CMC2: variants seen among roughly 807,000 people sequenced by gnomAD.
CMC2 encodes the protein COX assembly mitochondrial protein 2 homolog.
Under a neutral mutation model 7.5 loss-of-function variants are expected in CMC2, and 5 were observed. The ratio of observed to expected loss-of-function variants is 0.66; its 90% CI spans 0.35 to 1.40. The LOEUF (loss-of-function observed/expected upper bound fraction) is 1.40, where lower values mean the gene tolerates loss of function less well. CMC2 is among the 40% of genes most tolerant of loss of function. CMC2 has a pLI of 0.04. For missense variants in CMC2, 115 were observed against 92.3 expected (o/e 1.25, Z -1.01); for synonymous variants, 37 against 31.4 (o/e 1.18, Z -0.60).
chr16:80,996,947 C>T, intron 2 of CMC2: 1 of 428,168 alleles, frequency 2.3e-6, no homozygotes, highest in Non-Finnish European at 4.6e-6. Context: ...TGGTAGCCAT[C>T]AAAGAGCAGA....
At chr16:80,985,444 GA>G (rs964927594) in intron 2 of CMC2, among the ~76,000 whole-genome samples, 4 of 151,976 alleles carry the variant, frequency 2.6e-5, no homozygotes, top group African/African-American at 9.7e-5. Flanking sequence ...TTTCTGGTTT[GA>G]AAAATAAGAT....
intron 3 of CMC2, among the ~76,000 whole-genome samples, chr16:80,981,114 A>T (rs1361385419): frequency 6.6e-6 from 1 of 151,860 alleles, no homozygotes; most frequent in Non-Finnish European, 1.5e-5. Context: ...AACAAAAATG[A>T]TATCTGAAAG....
At chr16:80,988,617 A>C in intron 2 of CMC2, 1 of 701,728 alleles carries the variant, frequency 1.4e-6, no homozygotes, top group East Asian at 2.7e-5. Flanking sequence ...CAAGGACTTA[A>C]ATTTAAGTCT....
chr16:80,978,721 A>T (rs1474614641), intron 3 of CMC2, among the ~76,000 whole-genome samples: 3 of 152,076 alleles, frequency 2.0e-5, no homozygotes, highest in African/African-American at 7.2e-5. Flanking sequence ...AAAGAAAAAA[A>T]AAAAGAATAA....
Position 80,969,878 on chromosome 16 carries a change from G to C in CMC2, c.*6215C>G, listed in dbSNP as rs538260424. The C allele has an allele frequency of 6.6e-6, 1 of 152,252 alleles. No individual in the cohort carries two copies. Among genetic ancestry groups the C allele is most frequent in the African/African-American group, 2.4e-5 (1 of 41,552 alleles). The allele number at this position is 152,252 out of a possible 1,614,324, so 9.4% of individuals were successfully genotyped here. A position where few individuals can be genotyped will look rare whatever the true frequency, so the allele number is the denominator to read the frequency against. ...CACCCCAGCCTGGGTGACACAGCAA[G>C]ACTCCGTCTCAATTAGAAAAGAAAA... On this transcript the variant is annotated 3_prime_UTR_variant, in exon 4 of 4. Coordinates refer to ENST00000219400, the MANE Select transcript of CMC2 (RefSeq NM_020188.5).
At chr16:80,992,042 T>A (rs973609823) in intron 2 of CMC2, 1 of 425,080 alleles carries the variant, frequency 2.4e-6, no homozygotes, top group African/African-American at 2.0e-5. Context: ...CATGTATCAA[T>A]ATTGGTTTAT....
At chr16:81,002,624 T>G (rs1436481576) in intron 1 of CMC2, among the ~76,000 whole-genome samples, 1 of 152,184 alleles carries the variant, frequency 6.6e-6, no homozygotes, top group Non-Finnish European at 1.5e-5. Flanking sequence ...GACACTTGAC[T>G]GAGACAATAT....
Position 80,968,453 on chromosome 16 carries a change from G to C in CMC2, c.*7640C>G. ...ACCACAGTCTAATGGCCCAAATGCAGATGAAGATGAAGGTCTCTGAACAGA... is the reference window on the plus strand; with the variant it reads ...ACCACAGTCTAATGGCCCAAATGCACATGAAGATGAAGGTCTCTGAACAGA... On this transcript the variant is annotated 3_prime_UTR_variant, in exon 4 of 4. Coordinates refer to ENST00000219400, the MANE Select transcript of CMC2 (RefSeq NM_020188.5). 1 of 152,156 alleles carries C rather than the reference G, an allele frequency of 6.6e-6. No individual in the cohort carries two copies. Among genetic ancestry groups the C allele is most frequent in the East Asian group, 1.9e-4 (1 of 5,184 alleles). The allele number at this position is 152,156 out of a possible 1,614,324, so 9.4% of individuals were successfully genotyped here.
chr16:80,971,204 G>A lies in CMC2; in HGVS notation c.*4889C>T, dbSNP rs547389291. 6.6e-6 allele frequency: 1 copy of A among 152,204 alleles called. No homozygotes were observed. Among genetic ancestry groups the A allele is most frequent in the East Asian group, 1.9e-4 (1 of 5,178 alleles). 9.4% of individuals were successfully genotyped at this position (152,204 alleles called of 1,614,324 possible). A position where few individuals can be genotyped will look rare whatever the true frequency, so the allele number is the denominator to read the frequency against. On this transcript the variant is annotated 3_prime_UTR_variant, in exon 4 of 4. Transcript: ENST00000219400. Reference sequence around the variant, plus strand: ...TTGGGGTGTAATTTAGCAACTTCTAGTAAGTTTGAAAATGCATACCTTACA... The same window carrying A: ...TTGGGGTGTAATTTAGCAACTTCTAATAAGTTTGAAAATGCATACCTTACA...
chr16:80,991,863 C>T (rs1968019866), intron 2 of CMC2: 7 of 448,604 alleles, frequency 1.6e-5, no homozygotes, highest in South Asian at 7.9e-5. Context: ...ATGCCTCAAA[C>T]CTTTTCGGGT....
intron 3 of CMC2, among the ~76,000 whole-genome samples, chr16:80,979,490 A>G (rs16954381): frequency 0.016 from 2,512 of 152,314 alleles, 73 homozygotes; most frequent in African/African-American, 0.057. Flanking sequence ...CAGGAAAAAA[A>G]TTTAAAAACA....
chr16:80,975,308 T>C lies in CMC2; in HGVS notation c.*785A>G, dbSNP rs1375412220. On this transcript the variant is annotated 3_prime_UTR_variant, in exon 4 of 4. Coordinates refer to ENST00000219400, the MANE Select transcript of CMC2 (RefSeq NM_020188.5). ...TAACCAGATGAAATTTTATCAATGT[T>C]AAGTGTAAATATTTAATCTTTTAGT... 6.6e-6 allele frequency: 1 copy of C among 152,246 alleles called. No individual in the cohort carries two copies. Among genetic ancestry groups the C allele is most frequent in the African/African-American group, 2.4e-5 (1 of 41,462 alleles). 9.4% of individuals were successfully genotyped at this position (152,246 alleles called of 1,614,324 possible).
At position 80,970,103 on chromosome 16, in the gene CMC2, C is replaced by A. The variant is rs778297078; in HGVS notation, c.*5990G>T. 1.3e-5 allele frequency: 2 copies of A among 152,068 alleles called. No homozygotes were observed. The highest frequency in any genetic ancestry group is 2.9e-5 in the Non-Finnish European group (2 of 68,008). 9.4% of individuals were successfully genotyped at this position (152,068 alleles called of 1,614,324 possible). A position where few individuals can be genotyped will look rare whatever the true frequency, so the allele number is the denominator to read the frequency against. ...ACAGGTATTTAAATAACTTACCTGACCATTGGGAGGGATGAAGAAACTTCA... is the reference window on the plus strand; with the variant it reads ...ACAGGTATTTAAATAACTTACCTGAACATTGGGAGGGATGAAGAAACTTCA... On this transcript the variant is annotated 3_prime_UTR_variant, in exon 4 of 4. Coordinates refer to ENST00000219400, the MANE Select transcript of CMC2 (RefSeq NM_020188.5).
At chr16:81,001,549 T>C (rs900523063) in intron 1 of CMC2, among the ~76,000 whole-genome samples, 10 of 152,146 alleles carry the variant, frequency 6.6e-5, no homozygotes, top group African/African-American at 2.4e-4. Flanking sequence ...ACGGTGGTGA[T>C]GGTTGCACAA....
chr16:81,000,659 A>G (rs1189269196), intron 1 of CMC2, among the ~76,000 whole-genome samples: 1 of 152,232 alleles, frequency 6.6e-6, no homozygotes, highest in Admixed American at 6.5e-5. Context: ...ATCACCTCAC[A>G]TCAGTGAGAA....
chr16:80,996,341 C>T (rs1249016258), intron 2 of CMC2, among the ~76,000 whole-genome samples: 1 of 152,168 alleles, frequency 6.6e-6, no homozygotes, highest in Non-Finnish European at 1.5e-5. Context: ...TATAACTGAC[C>T]ATATACAAAT....
chr16:81,001,689 C>A (rs564916847), intron 1 of CMC2, among the ~76,000 whole-genome samples: 1 of 152,010 alleles, frequency 6.6e-6, no homozygotes, highest in East Asian at 1.9e-4. Context: ...TAAAAAAAAA[C>A]CTGTGAGAAA....
At chr16:80,996,747 T>C (rs1401490985) in intron 2 of CMC2, among the ~76,000 whole-genome samples, 1 of 152,208 alleles carries the variant, frequency 6.6e-6, no homozygotes, top group East Asian at 1.9e-4. Context: ...AAGCTAAATA[T>C]TCAACAGCTA....
At position 80,971,547 on chromosome 16, in the gene CMC2, A is replaced by G. The variant is rs556798433; in HGVS notation, c.*4546T>C. 1 of 121,224 alleles carries G rather than the reference A, an allele frequency of 8.2e-6. No homozygotes were observed. The highest frequency in any genetic ancestry group is 4.1e-5 in the African/African-American group (1 of 24,682). 7.5% of individuals were successfully genotyped at this position (121,224 alleles called of 1,614,324 possible). A position where few individuals can be genotyped will look rare whatever the true frequency, so the allele number is the denominator to read the frequency against. On this transcript the variant is annotated 3_prime_UTR_variant, in exon 4 of 4. Transcript: ENST00000219400. ...TGCAAAATAAAATATGGCTATGGAT[A>G]CTGACATACATACATTTTATATATA...
Sources: allele counts gnomAD v4.1 joint callset (sites outside exome capture counted in the v4.1 genomes callset), GRCh38; gene constraint gnomAD v4.1.1; transcripts MANE v1.5; gene names NCBI Gene and HGNC (gene_info 2026-07-23, HGNC 2026-07-21).